MTMR14: variants seen among roughly 807,000 people sequenced by gnomAD.
MTMR14 encodes phosphatidylinositol-3,5-bisphosphate 3-phosphatase MTMR14.
In MTMR14, 48 loss-of-function variants were observed where a neutral mutation model predicts 86.3. That is an observed-to-expected ratio of 0.56 (90% CI 0.44 to 0.71). The LOEUF is 0.71. MTMR14 is among the 30% of genes least tolerant of loss of function. The probability of loss-of-function intolerance (pLI) is 0.00; values close to 1 mark genes in which losing one functional copy is unlikely to be tolerated. For missense variants in MTMR14, 780 were observed against 834.6 expected (o/e 0.93, Z 0.81); for synonymous variants, 366 against 326.1 (o/e 1.12, Z -1.32).
intron 9 of MTMR14, among the ~76,000 whole-genome samples, chr3:9,681,154 A>C (rs2075755560): frequency 6.6e-6 from 1 of 152,206 alleles, no homozygotes; most frequent in Non-Finnish European, 1.5e-5. Flanking sequence ...GGAGGCATGC[A>C]GTGTGAGGCT....
intron 13 of MTMR14, among the ~76,000 whole-genome samples, chr3:9,686,117 T>C (rs752223788): frequency 5.9e-5 from 9 of 152,178 alleles, no homozygotes; most frequent in Non-Finnish European, 1.2e-4. Flanking sequence ...CCTCCTCCTT[T>C]TGTTCCTCCG....
intron 9 of MTMR14, among the ~76,000 whole-genome samples, chr3:9,680,603 T>C (rs139337163): frequency 0.022 from 3,337 of 152,224 alleles, 120 homozygotes; most frequent in African/African-American, 0.076. Context: ...CCCAGCACTT[T>C]AGGAGGCCAA....
At chr3:9,674,457 A>T (rs696044) in intron 7 of MTMR14, among the ~76,000 whole-genome samples, 5,080 of 152,354 alleles carry the variant, frequency 0.033, 148 homozygotes, top group Non-Finnish European at 0.043. Context: ...ATGATGGCAC[A>T]TCCCTCAGTA....
chr3:9,669,545 G>T (rs1011580274), intron 5 of MTMR14, 53 bp downstream of exon 5: 11 of 1,561,832 alleles, frequency 7.0e-6, no homozygotes, highest in Non-Finnish European at 9.6e-6. Context: ...GGGGTGTCTG[G>T]CCAGAGATGG....
At chr3:9,682,900 C>T (rs571152215) in intron 9 of MTMR14, among the ~76,000 whole-genome samples, 55 of 152,024 alleles carry the variant, frequency 3.6e-4, no homozygotes, top group African/African-American at 1.3e-3. Context: ...CCTCAGCATC[C>T]GTTTCTGTTC....
Position 9,677,463 on chromosome 3 carries a change from T to C in MTMR14, c.822+76T>C. On this transcript the variant is annotated intron_variant, in intron 8 of 18. Transcript: ENST00000296003. The surrounding 1 kb of genome is among the most constrained non-coding windows in gnomAD (Gnocchi z 4.2). ...AGGCCAAGGAGAACAACAAGCAGTC[T>C]TTGGGGAAAACAACAAGCAGTCTTT... 1 of 1,337,234 alleles carries C rather than the reference T, an allele frequency of 7.5e-7. No homozygotes were observed. 82.8% of individuals were successfully genotyped at this position (1,337,234 alleles called of 1,614,324 possible). A position where few individuals can be genotyped will look rare whatever the true frequency, so the allele number is the denominator to read the frequency against.
In MTMR14 at chr3:9,687,911, T is replaced by C; in HGVS notation, c.1235+20T>C. On this transcript the variant is annotated intron_variant, in intron 14 of 18. Coordinates refer to ENST00000296003, the MANE Select transcript of MTMR14 (RefSeq NM_001077525.3). ...CCAGAGGTAAGTGGAGGCCTGCACG[T>C]GTCATGCTGGGCCAGGGCGCTCTGA... is the stretch of plus-strand genomic sequence containing the variant. The C allele has an allele frequency of 1.3e-6, 2 of 1,577,070 alleles. No individual in the cohort carries two copies. Among genetic ancestry groups the C allele is most frequent in the Non-Finnish European group, 1.7e-6 (2 of 1,158,684 alleles).
chr3:9,668,899 G>A (rs552920841), intron 4 of MTMR14, 105 bp downstream of exon 4: 386 of 1,177,522 alleles, frequency 3.3e-4, no homozygotes, highest in African/African-American at 2.8e-3. Flanking sequence ...CAACACTTTG[G>A]GAGGCCAAGG....
intron 18 of MTMR14, chr3:9,699,520 T>A (rs2125423321): frequency 6.6e-6 from 1 of 152,352 alleles, no homozygotes; most frequent in Middle Eastern, 3.4e-3. Flanking sequence ...TGGGCTTTGT[T>A]ATCAGAAAAA....
At chr3:9,694,020 C>T (rs1414743550) in intron 17 of MTMR14, among the ~76,000 whole-genome samples, 4 of 152,182 alleles carry the variant, frequency 2.6e-5, no homozygotes, top group Non-Finnish European at 5.9e-5. Context: ...GCTGACAGCA[C>T]CTCCCAGGAT....
rs868557504 is a variant in MTMR14, at chr3:9,665,169, C to T, written c.417+2794C>T. Among the ~76,000 whole-genome samples the T allele has an allele frequency of 9.9e-5, 15 of 151,850 alleles. No homozygotes were observed. The South Asian group carries it at 2.1e-3, about 21-fold the overall frequency. ...AGGTGGCAGGCGCCTATAATCCCAG[C>T]TACTCCGGAGGCTGAGGCAGGAGAA... On this transcript the variant is annotated intron_variant, in intron 3 of 18. Coordinates refer to ENST00000296003, the MANE Select transcript of MTMR14 (RefSeq NM_001077525.3).
At position 9,702,043 on chromosome 3, in the gene MTMR14, C is replaced by T; in HGVS notation, c.*70C>T. 6.3e-7 allele frequency: 1 copy of T among 1,593,786 alleles called. No homozygotes were observed. The highest frequency in any genetic ancestry group is 1.7e-5 in the Admixed American group (1 of 59,962). On this transcript the variant is annotated 3_prime_UTR_variant, in exon 19 of 19. Transcript: ENST00000296003. Reference sequence around the variant, plus strand: ...CCTTAGCAGAGAATCAAAGCCATGCCTGGCCGAAGGGGTACTTCCAGGTCA... The same window carrying T: ...CCTTAGCAGAGAATCAAAGCCATGCTTGGCCGAAGGGGTACTTCCAGGTCA...
intron 9 of MTMR14, among the ~76,000 whole-genome samples, chr3:9,680,006 T>A (rs1319589691): frequency 3.3e-5 from 5 of 152,134 alleles, no homozygotes; most frequent in African/African-American, 1.2e-4. Flanking sequence ...GGGGTGCCGG[T>A]ACCCTGTTCC....
At chr3:9,683,038 C>G (rs1575037186) in intron 9 of MTMR14, 140 bp from the exon 10 acceptor site, 10 of 589,820 alleles carry the variant, frequency 1.7e-5, no homozygotes, top group Non-Finnish European at 3.0e-5. Flanking sequence ...CCCAGATTAT[C>G]TGGGATTCAA....
intron 17 of MTMR14, among the ~76,000 whole-genome samples, chr3:9,697,023 C>T (rs183751338): frequency 1.3e-5 from 2 of 152,110 alleles, no homozygotes; most frequent in African/African-American, 4.8e-5. Flanking sequence ...CCTCCCACCC[C>T]CAAAACCTCC....
intron 6 of MTMR14, among the ~76,000 whole-genome samples, chr3:9,671,527 T>G (rs1003963328): frequency 1.3e-5 from 2 of 152,190 alleles, no homozygotes; most frequent in Non-Finnish European, 2.9e-5. Flanking sequence ...TTTTTTTAAT[T>G]TATTTTTCAT....
chr3:9,652,708 A>G (rs547785493), intron 1 of MTMR14, among the ~76,000 whole-genome samples: 114 of 152,068 alleles, frequency 7.5e-4, no homozygotes, highest in African/African-American at 2.3e-3. Context: ...AAAAAAAAAA[A>G]AAGGAATGGG....
intron 3 of MTMR14, among the ~76,000 whole-genome samples, chr3:9,665,962 C>T (rs1052062149): frequency 2.6e-5 from 4 of 151,912 alleles, no homozygotes; most frequent in Middle Eastern, 3.4e-3. Flanking sequence ...CTCCTGACCT[C>T]GTGATCCGCC....
At chr3:9,692,456 A>G (rs1262934544) in intron 17 of MTMR14, among the ~76,000 whole-genome samples, 2 of 152,218 alleles carry the variant, frequency 1.3e-5, no homozygotes, top group Non-Finnish European at 2.9e-5. Context: ...ATTAAGTTGC[A>G]TTTCTGGACC....
Sources: gnomAD v4.1 joint callset for allele counts (sites outside exome capture counted in the v4.1 genomes callset) on GRCh38, gnomAD v4.1.1 for gene constraint, Gnocchi (gnomAD v3.1) non-coding constraint, MANE v1.5 for transcripts, NCBI Gene and HGNC (gene_info 2026-07-23, HGNC 2026-07-21) for gene names.